Variants in NAV3 observed in about 807,000 individuals in gnomAD.
NAV3 encodes the protein neuron navigator 3, also known as pore membrane and/or filament interacting like protein 1.
A neutral mutation model predicts 244.7 loss-of-function variants in NAV3; 87 were observed. That is an observed-to-expected ratio of 0.36 (90% CI 0.30 to 0.42). The LOEUF (loss-of-function observed/expected upper bound fraction) is 0.42. Among genes scored for constraint, NAV3 ranks in the 20% least tolerant of loss-of-function variants. The probability of loss-of-function intolerance (pLI) is 1.00; values close to 1 mark genes in which losing one functional copy is unlikely to be tolerated. For missense variants in NAV3, 2,663 were observed against 2,893.3 expected (o/e 0.92, Z 1.83); for synonymous variants, 1,126 against 1,042.2 (o/e 1.08, Z -1.55).
chr12:78,067,751 G>A (rs1469501509), intron 12 of NAV3, among the ~76,000 whole-genome samples: 1 of 152,036 alleles, frequency 6.6e-6, no homozygotes, highest in Non-Finnish European at 1.5e-5. Flanking sequence ...GTTGTAGATT[G>A]TAGCTCTAAA....
At position 78,168,770 on chromosome 12, in the gene NAV3, G is replaced by A; in HGVS notation, c.4885G>A (p.Glu1629Lys). The A allele has an allele frequency of 6.2e-7, 1 of 1,608,642 alleles. No homozygotes were observed. Among genetic ancestry groups the A allele is most frequent in the Non-Finnish European group, 8.5e-7 (1 of 1,176,816 alleles). ...TAEQKESELI[E>K]LRETIEMLKA... The stretch of plus-strand genomic sequence containing the variant: ...TATTCCACAGGAATCTGAACTTATA[G>A]AACTAAGAGAAACCATTGAAATGCT... The change falls in exon 24 of 40, where the codon GAA (glutamate) becomes AAA (lysine). Residue 1629 changes from glutamate (E) to lysine (K), a missense_variant. By Grantham distance (56) the Glu-to-Lys change is moderately conservative (BLOSUM62 1). Coordinates refer to ENST00000397909, the MANE Select transcript of NAV3 (RefSeq NM_001024383.2).
chr12:77,733,834 ATTTTTTTT>A (rs56770236), intron 2 of NAV3, among the ~76,000 whole-genome samples: 178 of 124,180 alleles, frequency 1.4e-3, no homozygotes, highest in African/African-American at 4.7e-3. Context: ...CTTGGTTTAG[ATTTTTTTT>A]TTTTTTTTTT....
At chr12:77,762,728 TG>T (rs1830354691) in intron 2 of NAV3, among the ~76,000 whole-genome samples, 1 of 147,928 alleles carries the variant, frequency 6.8e-6, no homozygotes, top group Non-Finnish European at 1.5e-5. Flanking sequence ...GGTTTTTTGT[TG>T]TTGTTGTTGT....
intron 4 of NAV3, among the ~76,000 whole-genome samples, chr12:77,966,878 A>C (rs2137958260): frequency 6.6e-6 from 1 of 152,180 alleles, no homozygotes; most frequent in South Asian, 2.1e-4. Context: ...AACTTGAACA[A>C]ATTTTGACAT....
At chr12:77,777,199 T>G (rs1378688355) in intron 2 of NAV3, among the ~76,000 whole-genome samples, 3 of 152,154 alleles carry the variant, frequency 2.0e-5, no homozygotes, top group Non-Finnish European at 4.4e-5. Flanking sequence ...TGATAAAGTT[T>G]AATTTATAAC....
At chr12:78,176,503 A>G (rs766762952) in intron 26 of NAV3, 44 bp downstream of exon 26, 44 of 1,606,036 alleles carry the variant, frequency 2.7e-5, no homozygotes, top group Non-Finnish European at 3.6e-5. Flanking sequence ...CTATAAAAAA[A>G]CCCTACCTTG....
intron 2 of NAV3, among the ~76,000 whole-genome samples, chr12:77,793,666 T>C (rs1871281400): frequency 1.3e-5 from 2 of 152,240 alleles, no homozygotes. Context: ...TTCTTTTTTA[T>C]GGCTGCATAG....
At chr12:78,095,069 A>ATG (rs1954170601) in intron 12 of NAV3, among the ~76,000 whole-genome samples, 1 of 78,608 alleles carries the variant, frequency 1.3e-5, no homozygotes, top group Non-Finnish European at 4.6e-5. Context: ...ATATATACAC[A>ATG]CACACACACA....
chr12:77,646,094 C>A (rs1269804069), intron 2 of NAV3, among the ~76,000 whole-genome samples: 1 of 152,212 alleles, frequency 6.6e-6, no homozygotes, highest in South Asian at 2.1e-4. Context: ...CATGGACAAA[C>A]GTCTTGGCAT....
intron 2 of NAV3, among the ~76,000 whole-genome samples, chr12:77,618,777 A>G (rs1871242972): frequency 6.6e-6 from 1 of 152,200 alleles, no homozygotes; most frequent in Non-Finnish European, 1.5e-5. Flanking sequence ...GAAAGAAGGA[A>G]GAAGATAGGA....
intron 23 of NAV3, among the ~76,000 whole-genome samples, chr12:78,165,327 T>TCA (rs1957733963): frequency 6.6e-6 from 1 of 152,010 alleles, no homozygotes; most frequent in Non-Finnish European, 1.5e-5. Context: ...CTCAATCTTC[T>TCA]CTTTAGTATT....
chr12:77,627,714 G>A (rs554986104), intron 2 of NAV3, among the ~76,000 whole-genome samples: 1 of 152,156 alleles, frequency 6.6e-6, no homozygotes, highest in East Asian at 1.9e-4. Flanking sequence ...CATATCAAAG[G>A]GATACCTGCA....
chr12:78,122,629 A>C (rs986639657), intron 16 of NAV3, among the ~76,000 whole-genome samples: 1 of 152,176 alleles, frequency 6.6e-6, no homozygotes, highest in African/African-American at 2.4e-5. Context: ...GTGAGTGGAT[A>C]ATTTTGTTAA....
intron 2 of NAV3, among the ~76,000 whole-genome samples, chr12:77,793,837 C>T (rs561928902): frequency 6.6e-6 from 1 of 152,072 alleles, no homozygotes; most frequent in African/African-American, 2.4e-5. Context: ...AGGTATATAC[C>T]CAGTAATGGG....
At chr12:78,044,111 A>C (rs564900997) in intron 9 of NAV3, among the ~76,000 whole-genome samples, 1 of 152,132 alleles carries the variant, frequency 6.6e-6, no homozygotes, top group Admixed American at 6.5e-5. Flanking sequence ...TTTTGTGTAA[A>C]GTGTAAGGAA....
intron 16 of NAV3, among the ~76,000 whole-genome samples, chr12:78,122,841 T>G (rs1955734111): frequency 6.6e-6 from 1 of 151,530 alleles, no homozygotes. Flanking sequence ...ATATGTTAAA[T>G]TTGTTCCATT....
rs2138626953 is a variant in NAV3 at position 78,119,696 on chromosome 12, G to A, written c.3500G>A (p.Ser1167Asn). Residue 1167 changes from serine (S) to asparagine (N), a missense_variant, in exon 15 of 40, where the codon AGC becomes AAC. Ser to Asn is a conservative substitution (Grantham distance 46, BLOSUM62 1). Coordinates refer to ENST00000397909, the MANE Select transcript of NAV3 (RefSeq NM_001024383.2). ...ACCAGCAGTATTGATTCCAACGTCA[G>A]CAGCAAGTCTGCTGGGGCCACCACC... ...SSTSSIDSNV[S>N]SKSAGATTSK... The A allele has an allele frequency of 6.2e-7, 1 of 1,614,196 alleles. No individual in the cohort carries two copies. The highest frequency in any genetic ancestry group is 1.1e-5 in the South Asian group (1 of 91,080).
At chr12:78,098,046 C>A (rs1159192277) in intron 12 of NAV3, among the ~76,000 whole-genome samples, 2 of 152,092 alleles carry the variant, frequency 1.3e-5, no homozygotes, top group Non-Finnish European at 2.9e-5. Flanking sequence ...CCTGTACATT[C>A]TCAAAAGTGA....
chr12:78,144,644 A>G (rs1056958301), intron 20 of NAV3, among the ~76,000 whole-genome samples: 2 of 152,086 alleles, frequency 1.3e-5, no homozygotes, highest in African/African-American at 4.8e-5. Flanking sequence ...GCTTGCTACT[A>G]GTATATGTAA....
Sources: allele counts gnomAD v4.1 joint callset (sites outside exome capture counted in the v4.1 genomes callset), GRCh38; gene constraint gnomAD v4.1.1; transcripts MANE v1.5; gene names NCBI Gene and HGNC (gene_info 2026-07-23, HGNC 2026-07-21).